ANO10: variants seen among roughly 807,000 people sequenced by gnomAD.
The protein encoded by ANO10 is anoctamin-10.
Under a neutral mutation model 74.7 loss-of-function variants are expected in ANO10, and 77 were observed. That is an observed-to-expected ratio of 1.03 (90% CI 0.86 to 1.25). The LOEUF (loss-of-function observed/expected upper bound fraction) is 1.25, where lower values mean the gene tolerates loss of function less well. ANO10 is among the 50% of genes most tolerant of loss of function. The pLI is 0.00. For synonymous variants in ANO10, 279 were observed against 284.9 expected, an observed-to-expected ratio of 0.98 and a Z score of 0.21; for missense variants, 721 against 778.1, an observed-to-expected ratio of 0.93 and a Z score of 0.87.
At chr3:43,480,022 A>T (rs2076207345) in intron 11 of ANO10, among the ~76,000 whole-genome samples, 2 of 152,242 alleles carry the variant, frequency 1.3e-5, no homozygotes, top group African/African-American at 4.8e-5. Context: ...CAGAGGGATA[A>T]TACTGCATTC....
intron 11 of ANO10, among the ~76,000 whole-genome samples, chr3:43,505,976 A>T (rs1026026121): frequency 6.6e-6 from 1 of 152,256 alleles, no homozygotes; most frequent in Admixed American, 6.5e-5. Context: ...ATTATTAAAG[A>T]AACAAACAAA....
intron 10 of ANO10, among the ~76,000 whole-genome samples, chr3:43,552,359 A>G (rs908942462): frequency 1.3e-5 from 2 of 152,166 alleles, no homozygotes; most frequent in African/African-American, 4.8e-5. Context: ...TGGTCAACAT[A>G]GTGGGAGCCC....
At chr3:43,544,261 T>A (rs1328834503) in intron 11 of ANO10, among the ~76,000 whole-genome samples, 1 of 152,156 alleles carries the variant, frequency 6.6e-6, no homozygotes, top group African/African-American at 2.4e-5. Flanking sequence ...CCACAAAAAA[T>A]GGCATTTTCA....
At chr3:43,581,834 G>A (rs2081275081) in intron 4 of ANO10, among the ~76,000 whole-genome samples, 1 of 151,506 alleles carries the variant, frequency 6.6e-6, no homozygotes. Context: ...GCTGAGGTGG[G>A]AGGATGGCTG....
intron 2 of ANO10, 87 bp from the exon 3 acceptor site, chr3:43,600,668 T>A: frequency 8.5e-7 from 1 of 1,170,148 alleles, no homozygotes; most frequent in South Asian, 1.4e-5. Context: ...ATGTTTCTAG[T>A]CTGGTAGAAG....
chr3:43,526,168 T>C (rs1161986725), intron 11 of ANO10, among the ~76,000 whole-genome samples: 2 of 152,224 alleles, frequency 1.3e-5, no homozygotes, highest in African/African-American at 4.8e-5. Context: ...ATGACTAACA[T>C]ATGGACTGTA....
At chr3:43,609,366 G>A (rs1298189030) in intron 1 of ANO10, among the ~76,000 whole-genome samples, 3 of 152,158 alleles carry the variant, frequency 2.0e-5, no homozygotes, top group African/African-American at 2.4e-5. Flanking sequence ...AGAATCTTCT[G>A]ACCTAAAGCA....
At chr3:43,421,965 AATGGATAC>A (rs1240821494) in intron 12 of ANO10, among the ~76,000 whole-genome samples, 1 of 152,260 alleles carries the variant, frequency 6.6e-6, no homozygotes, top group African/African-American at 2.4e-5. Flanking sequence ...AAAGTAAATA[AATGGATAC>A]ATAAGCCAAT....
At chr3:43,681,266 C>T (rs994923063) in intron 1 of ANO10, among the ~76,000 whole-genome samples, 11 of 151,608 alleles carry the variant, frequency 7.3e-5, no homozygotes, top group African/African-American at 1.7e-4. Context: ...AAAAAAAGGC[C>T]GGGGCTGCAA....
chr3:43,683,035 G>A (rs138474621), intron 1 of ANO10, among the ~76,000 whole-genome samples: 3 of 151,992 alleles, frequency 2.0e-5, no homozygotes, highest in Non-Finnish European at 4.4e-5. Context: ...CAGGGATGCC[G>A]TCTCTCACCA....
intron 12 of ANO10, among the ~76,000 whole-genome samples, chr3:43,415,862 CGAGTTTCCCT>C (rs2092730626): frequency 6.6e-6 from 1 of 152,082 alleles, no homozygotes; most frequent in African/African-American, 2.4e-5. Context: ...AATTCTTTAG[CGAGTTTCCCT>C]GATTATAATT....
intron 1 of ANO10, among the ~76,000 whole-genome samples, chr3:43,616,167 A>C (rs1448911525): frequency 6.6e-6 from 1 of 152,202 alleles, no homozygotes; most frequent in Non-Finnish European, 1.5e-5. Flanking sequence ...AAAGCTTCAG[A>C]GAGCTGGACA....
At chr3:43,458,680 G>A (rs1018922370) in intron 11 of ANO10, among the ~76,000 whole-genome samples, 4 of 152,112 alleles carry the variant, frequency 2.6e-5, no homozygotes, top group Non-Finnish European at 5.9e-5. Context: ...TGGGATACAT[G>A]TGCTGAACGT....
chr3:43,380,058 A>G (rs2091916432), intron 12 of ANO10, among the ~76,000 whole-genome samples: 1 of 152,248 alleles, frequency 6.6e-6, no homozygotes, highest in African/African-American at 2.4e-5. Context: ...TGGAAGTCTC[A>G]GCAACAGAAT....
At chr3:43,484,432 A>T (rs573010183) in intron 11 of ANO10, among the ~76,000 whole-genome samples, 13 of 152,344 alleles carry the variant, frequency 8.5e-5, no homozygotes, top group African/African-American at 2.9e-4. Flanking sequence ...GCTTGGCCAC[A>T]TTAATGGAGA....
At chr3:43,658,849 T>C (rs1335928637) in intron 1 of ANO10, among the ~76,000 whole-genome samples, 1 of 152,126 alleles carries the variant, frequency 6.6e-6, no homozygotes, top group Non-Finnish European at 1.5e-5. Context: ...AAGAGAGTAG[T>C]TAACTTTAGA....
intron 1 of ANO10, among the ~76,000 whole-genome samples, chr3:43,682,829 A>G (rs897417481): frequency 2.6e-5 from 4 of 152,256 alleles, no homozygotes; most frequent in African/African-American, 9.6e-5. Flanking sequence ...ACGACAAAAA[A>G]CACATGATTA....
intron 11 of ANO10, among the ~76,000 whole-genome samples, chr3:43,528,565 A>G (rs1487259485): frequency 6.6e-6 from 1 of 152,160 alleles, no homozygotes; most frequent in Non-Finnish European, 1.5e-5. Flanking sequence ...CAAAATGGCA[A>G]GGGGGAAACT....
chr3:43,451,268 T>C (rs1402764413), intron 11 of ANO10, among the ~76,000 whole-genome samples: 2 of 152,190 alleles, frequency 1.3e-5, no homozygotes, highest in African/African-American at 4.8e-5. Flanking sequence ...ACACCTGAGC[T>C]GAAGAGAGCC....
Sources: gnomAD v4.1 joint callset for allele counts (sites outside exome capture counted in the v4.1 genomes callset) on GRCh38, gnomAD v4.1.1 for gene constraint, MANE v1.5 for transcripts, NCBI Gene and HGNC (gene_info 2026-07-23, HGNC 2026-07-21) for gene names.